The following CWC27 variants were observed in gnomAD, a reference collection of about 807,000 sequenced individuals.
The protein encoded by CWC27 is CWC27 spliceosome associated cyclophilin, also known as spliceosome-associated protein CWC27 homolog.
Under a neutral mutation model 63.6 loss-of-function variants are expected in CWC27, and 47 were observed. That is an observed-to-expected ratio of 0.74 (90% CI 0.58 to 0.94). The LOEUF (loss-of-function observed/expected upper bound fraction) is 0.94, where lower values mean the gene tolerates loss of function less well. Among genes scored for constraint, CWC27 ranks in the 40% least tolerant of loss-of-function variants. CWC27 has a pLI of 0.00. For synonymous variants in CWC27, 175 were observed against 179.8 expected, an observed-to-expected ratio of 0.97 and a Z score of 0.22; for missense variants, 495 against 554.3, an observed-to-expected ratio of 0.89 and a Z score of 1.07.
At chr5:64,904,474 C>T (rs1747575975) in intron 11 of CWC27, among the ~76,000 whole-genome samples, 1 of 152,250 alleles carries the variant, frequency 6.6e-6, no homozygotes, top group East Asian at 1.9e-4. Context: ...GACAGGAAGC[C>T]TCGGTTCCTT....
intron 7 of CWC27, among the ~76,000 whole-genome samples, chr5:64,791,380 T>C (rs1247057817): frequency 6.6e-6 from 1 of 152,176 alleles, no homozygotes; most frequent in Non-Finnish European, 1.5e-5. Context: ...TACTGAATAT[T>C]GTGAACTTAT....
intron 10 of CWC27, among the ~76,000 whole-genome samples, chr5:64,809,850 C>G (rs1744814628): frequency 6.6e-6 from 1 of 152,138 alleles, no homozygotes; most frequent in South Asian, 2.1e-4. Context: ...CATGGGTTGT[C>G]TCTTCACTCT....
At chr5:64,984,549 C>A (rs946049434) in intron 13 of CWC27, among the ~76,000 whole-genome samples, 2 of 152,278 alleles carry the variant, frequency 1.3e-5, no homozygotes, top group East Asian at 1.9e-4. Flanking sequence ...AATGAGCAAT[C>A]CAGTAGTAAT....
At chr5:64,786,693 T>A (rs1043952171) in intron 6 of CWC27, 66 bp downstream of exon 6, 4 of 941,800 alleles carry the variant, frequency 4.2e-6, no homozygotes, top group Non-Finnish European at 6.3e-6. Context: ...GTTTACTATA[T>A]TTCCTTTTAT....
In CWC27 at chr5:64,828,593, A is replaced by G. The variant is rs116387310; in HGVS notation, c.938+24207A>G. Among the ~76,000 whole-genome samples, 604 of 152,088 alleles carry G rather than the reference A, an allele frequency of 4.0e-3. 5 individuals carry two copies. Among genetic ancestry groups the G allele is most frequent in the Middle Eastern group, 0.027 (8 of 294 alleles). On this transcript the variant is annotated intron_variant, in intron 10 of 13. Coordinates refer to ENST00000381070, the MANE Select transcript of CWC27 (RefSeq NM_005869.4). ...AGACCTCTCTTGGGCCTCTTTTATA[A>G]GTAGGATTAATGCCCTTATAAAAGA...
rs570944614 is a variant in CWC27 at position 64,772,708 on chromosome 5, C to T, written c.43-1983C>T. Reference sequence around the variant, plus strand: ...ATCCCAGCACTTTGGGAGGCTGAGGCGGGCGGATCATGAGATCAGGAGCTC... The same window carrying T: ...ATCCCAGCACTTTGGGAGGCTGAGGTGGGCGGATCATGAGATCAGGAGCTC... On this transcript the variant is annotated intron_variant, in intron 1 of 13. Coordinates refer to ENST00000381070, the MANE Select transcript of CWC27 (RefSeq NM_005869.4). Among the ~76,000 whole-genome samples, 384 of 141,786 alleles carry T rather than the reference C, an allele frequency of 2.7e-3. 1 individual carries two copies. Among genetic ancestry groups the T allele is most frequent in the Middle Eastern group, 9.1e-3 (2 of 220 alleles). 93.0% of individuals were successfully genotyped at this position (141,786 alleles called of 152,430 possible).
At chr5:64,927,378 CT>C (rs201418254) in intron 11 of CWC27, among the ~76,000 whole-genome samples, 2,358 of 152,234 alleles carry the variant, frequency 0.015, 50 homozygotes, top group African/African-American at 0.055. Flanking sequence ...TTTTCCATGC[CT>C]TACTTCTCCA....
intron 7 of CWC27, 101 bp from the exon 8 acceptor site, chr5:64,800,147 C>T: frequency 1.4e-6 from 1 of 712,410 alleles, no homozygotes; most frequent in Middle Eastern, 3.3e-4. Context: ...CTTTTGCTAA[C>T]CATATTATAT....
intron 10 of CWC27, among the ~76,000 whole-genome samples, chr5:64,817,141 T>C (rs1745060373): frequency 6.6e-6 from 1 of 152,142 alleles, no homozygotes; most frequent in Admixed American, 6.6e-5. Context: ...ACCAAGCATA[T>C]TCTTCTCATA....
chr5:64,783,731 G>A (rs1743778285), intron 3 of CWC27, 105 bp from the exon 4 acceptor site: 2 of 971,110 alleles, frequency 2.1e-6, no homozygotes, highest in Admixed American at 3.0e-5. Flanking sequence ...TAAAATGTCT[G>A]CATTTTTTAT....
chr5:64,937,803 A>G (rs560544885), intron 11 of CWC27, among the ~76,000 whole-genome samples: 1 of 151,922 alleles, frequency 6.6e-6, no homozygotes, highest in Non-Finnish European at 1.5e-5. Flanking sequence ...TATATTTAGG[A>G]TAGTTAGCTG....
chr5:64,825,204 C>T (rs552275016), intron 10 of CWC27, among the ~76,000 whole-genome samples: 1 of 152,188 alleles, frequency 6.6e-6, no homozygotes, highest in South Asian at 2.1e-4. Context: ...AACTTGGAGA[C>T]CGTATGTTGC....
chr5:64,789,216 T>C (rs1339716921), intron 7 of CWC27, among the ~76,000 whole-genome samples, 196 bp downstream of exon 7: 1 of 152,068 alleles, frequency 6.6e-6, no homozygotes, highest in African/African-American at 2.4e-5. Context: ...TTATTTTTAA[T>C]GTTGGCATTT....
intron 13 of CWC27, among the ~76,000 whole-genome samples, chr5:65,013,246 T>A (rs1486230811): frequency 6.6e-6 from 1 of 152,212 alleles, no homozygotes; most frequent in Non-Finnish European, 1.5e-5. Context: ...AAGAGACTTA[T>A]GCTGAGCCTG....
At chr5:64,793,052 A>G (rs1744134240) in intron 7 of CWC27, among the ~76,000 whole-genome samples, 1 of 152,196 alleles carries the variant, frequency 6.6e-6, no homozygotes, top group Non-Finnish European at 1.5e-5. Flanking sequence ...TTTCTTTAAT[A>G]TGATCATAAC....
At chr5:64,932,060 T>C (rs1343084374) in intron 11 of CWC27, among the ~76,000 whole-genome samples, 1 of 152,180 alleles carries the variant, frequency 6.6e-6, no homozygotes, top group Non-Finnish European at 1.5e-5. Context: ...GTGATTATGA[T>C]ACATAATGTT....
At chr5:65,007,142 T>C (rs572811175) in intron 13 of CWC27, among the ~76,000 whole-genome samples, 1 of 152,314 alleles carries the variant, frequency 6.6e-6, no homozygotes, top group East Asian at 1.9e-4. Context: ...CTTGAAACGA[T>C]GTGATGCTAA....
intron 10 of CWC27, among the ~76,000 whole-genome samples, chr5:64,868,452 T>TTATTA (rs1371260689): frequency 6.6e-6 from 1 of 152,034 alleles, no homozygotes; most frequent in Non-Finnish European, 1.5e-5. Flanking sequence ...GCTAAGAAAA[T>TTATTA]ATTAATAAAG....
At chr5:64,986,444 G>A (rs1407507396) in intron 13 of CWC27, among the ~76,000 whole-genome samples, 1 of 152,258 alleles carries the variant, frequency 6.6e-6, no homozygotes, top group African/African-American at 2.4e-5. Context: ...CTGATATTTT[G>A]TTGAGGATAT....
Sources: gnomAD v4.1 joint callset for allele counts (sites outside exome capture counted in the v4.1 genomes callset) on GRCh38, gnomAD v4.1.1 for gene constraint, MANE v1.5 for transcripts, NCBI Gene and HGNC (gene_info 2026-07-23, HGNC 2026-07-21) for gene names.